The following ZNF654 variants were observed in gnomAD, a reference collection of about 807,000 sequenced individuals.
ZNF654 encodes zinc finger protein 654, also known as melanoma-associated antigen.
A neutral mutation model predicts 95.3 loss-of-function variants in ZNF654; 19 were observed. That is an observed-to-expected ratio of 0.20 (90% CI 0.14 to 0.29). The LOEUF (loss-of-function observed/expected upper bound fraction) is 0.29. Ranked by LOEUF, ZNF654 falls within the 10% of genes least tolerant of loss-of-function variation. The pLI, the probability that ZNF654 is intolerant of heterozygous loss-of-function variation, is 1.00. For missense variants in ZNF654, 1,046 were observed against 1,341.0 expected, an observed-to-expected ratio of 0.78 and a Z score of 3.44; for synonymous variants, 413 against 457.9, an observed-to-expected ratio of 0.90 and a Z score of 1.25.
chr3:88,141,617 G>A (rs1707138244), intron 8 of ZNF654, 28 bp from the exon 9 acceptor site: 2 of 1,450,068 alleles, frequency 1.4e-6, no homozygotes, highest in Non-Finnish European at 1.9e-6. Context: ...AATAAAACTT[G>A]CATTAACAGA....
intron 2 of ZNF654, among the ~76,000 whole-genome samples, chr3:88,101,144 A>G (rs1377177311): frequency 6.6e-6 from 1 of 152,150 alleles, no homozygotes; most frequent in Non-Finnish European, 1.5e-5. Flanking sequence ...TATAAAATCC[A>G]TATAATTCAC....
chr3:88,112,748 C>A (rs775581192), intron 2 of ZNF654, among the ~76,000 whole-genome samples: 1 of 151,844 alleles, frequency 6.6e-6, no homozygotes, highest in African/African-American at 2.4e-5. Context: ...TCTCTGGAGT[C>A]CCATTATATT....
intron 2 of ZNF654, among the ~76,000 whole-genome samples, chr3:88,097,039 T>G (rs1282090070): frequency 6.6e-6 from 1 of 152,144 alleles, no homozygotes; most frequent in Non-Finnish European, 1.5e-5. Context: ...TTCACTCTTA[T>G]GTGTATATCA....
chr3:88,121,707 C>T (rs1705778410), intron 3 of ZNF654, among the ~76,000 whole-genome samples: 1 of 152,148 alleles, frequency 6.6e-6, no homozygotes, highest in South Asian at 2.1e-4. Context: ...TGATTATTCT[C>T]ATCTCATTTC....
chr3:88,138,705 G>A lies in ZNF654; in HGVS notation c.1036G>A (p.Val346Ile). ...AGCACTAATATTTTTCTTTTTACAG[G>A]TTGAAGAAGAAGGCTTGCAAATTTG... ...FPFMKIIKDE[V>I]EEEGLQICVE... Residue 346 changes from valine (V) to isoleucine (I), a missense_variant and splice_region_variant, in exon 8 of 9, where the codon GTT (valine) becomes ATT (isoleucine). Physicochemically the swap from Val to Ile is conservative, Grantham distance 29. This residue lies in a region of ZNF654 where 78 missense variants were observed against 154.2 expected (regional missense o/e 0.51). Transcript: ENST00000636215. 9 of 1,231,568 alleles carry A rather than the reference G, an allele frequency of 7.3e-6. No homozygotes were observed. The highest frequency in any genetic ancestry group is 9.1e-6 in the Non-Finnish European group (9 of 987,556). 76.3% of individuals were successfully genotyped at this position (1,231,568 alleles called of 1,614,324 possible). A position where few individuals can be genotyped will look rare whatever the true frequency, so the allele number is the denominator to read the frequency against.
intron 3 of ZNF654, among the ~76,000 whole-genome samples, chr3:88,116,486 C>T (rs1267158707): frequency 6.6e-6 from 1 of 151,898 alleles, no homozygotes; most frequent in Non-Finnish European, 1.5e-5. Context: ...CACCATCGCA[C>T]TCCATCCAGC....
At chr3:88,124,069 G>T (rs1380083188) in intron 3 of ZNF654, among the ~76,000 whole-genome samples, 2 of 152,104 alleles carry the variant, frequency 1.3e-5, no homozygotes, top group African/African-American at 4.8e-5. Context: ...TGGAAATGCA[G>T]AAATTTCATG....
At chr3:88,086,159 C>A in intron 1 of ZNF654, 98 bp from the exon 2 acceptor site, 1 of 1,119,768 alleles carries the variant, frequency 8.9e-7, no homozygotes, top group Non-Finnish European at 1.2e-6. Context: ...TCATGCCGAT[C>A]TAATATTTTA....
intron 1 of ZNF654, among the ~76,000 whole-genome samples, chr3:88,073,011 A>G (rs1389955052): frequency 6.6e-6 from 1 of 152,198 alleles, no homozygotes; most frequent in Non-Finnish European, 1.5e-5. Flanking sequence ...AGGAAATAGT[A>G]TGGGGTAGGT....
chr3:88,107,826 A>T (rs1344310963), intron 2 of ZNF654, among the ~76,000 whole-genome samples: 1 of 152,046 alleles, frequency 6.6e-6, no homozygotes, highest in African/African-American at 2.4e-5. Flanking sequence ...TGATAATTTT[A>T]TCTTGTTCTT....
chr3:88,136,191 A>C (rs1426266597), intron 7 of ZNF654, among the ~76,000 whole-genome samples: 1 of 152,212 alleles, frequency 6.6e-6, no homozygotes, highest in Non-Finnish European at 1.5e-5. Context: ...ATAAAGATGT[A>C]TCCATATTTT....
At chr3:88,123,190 T>G (rs1265190697) in intron 3 of ZNF654, among the ~76,000 whole-genome samples, 1 of 152,086 alleles carries the variant, frequency 6.6e-6, no homozygotes, top group Non-Finnish European at 1.5e-5. Flanking sequence ...AGCCAAAAAA[T>G]ACTTGTAAGC....
intron 3 of ZNF654, among the ~76,000 whole-genome samples, chr3:88,120,333 A>G (rs1228564363): frequency 6.6e-6 from 1 of 152,222 alleles, no homozygotes. Flanking sequence ...TATATGGCAA[A>G]AGAACAGGTT....
At chr3:88,083,700 G>C (rs1031343564) in intron 1 of ZNF654, among the ~76,000 whole-genome samples, 4 of 152,090 alleles carry the variant, frequency 2.6e-5, no homozygotes, top group Non-Finnish European at 5.9e-5. Context: ...ACTGTAGTAA[G>C]AGTGGGTTTT....
At chr3:88,080,844 A>G (rs1708040440) in intron 1 of ZNF654, among the ~76,000 whole-genome samples, 1 of 152,232 alleles carries the variant, frequency 6.6e-6, no homozygotes, top group Non-Finnish European at 1.5e-5. Flanking sequence ...TTTAAAACTG[A>G]ACTAATTTTA....
In ZNF654 at chr3:88,087,645, C is replaced by G. The variant is rs547888359; in HGVS notation, c.332+1243C>G. On this transcript the variant is annotated intron_variant, in intron 2 of 8. Coordinates refer to ENST00000636215, the MANE Select transcript of ZNF654 (RefSeq NM_001350134.2). ...CTTCATCTGTTATTTATTTATACCT[C>G]AAATTGTACTCACACCACAACAGTG... Among the ~76,000 whole-genome samples the G allele has an allele frequency of 3.3e-5, 5 of 152,270 alleles. No homozygotes were observed. The South Asian group carries it at 1.0e-3, about 32-fold the overall frequency.
chr3:88,113,000 A>T, intron 2 of ZNF654, 115 bp from the exon 3 acceptor site: 1 of 692,342 alleles, frequency 1.4e-6, no homozygotes, highest in Non-Finnish European at 2.3e-6. Flanking sequence ...ACAATTTTTT[A>T]AACCAAAATA....
chr3:88,117,812 G>A (rs1705501451), intron 3 of ZNF654, among the ~76,000 whole-genome samples: 1 of 152,178 alleles, frequency 6.6e-6, no homozygotes, highest in South Asian at 2.1e-4. Context: ...TAACTACAGG[G>A]TGGTGACATT....
At chr3:88,091,616 C>T (rs1340365365) in intron 2 of ZNF654, among the ~76,000 whole-genome samples, 1 of 152,148 alleles carries the variant, frequency 6.6e-6, no homozygotes, top group Non-Finnish European at 1.5e-5. Flanking sequence ...ACCCAAATCT[C>T]ATCTTGAATT....
Sources: gnomAD v4.1 joint callset for allele counts (sites outside exome capture counted in the v4.1 genomes callset) on GRCh38, gnomAD v4.1.1 for gene constraint, gnomAD v4.1.1 regional missense constraint, MANE v1.5 for transcripts, NCBI Gene and HGNC (gene_info 2026-07-23, HGNC 2026-07-21) for gene names.